Variants in MARCHF4 observed in about 807,000 individuals in gnomAD.
MARCHF4 encodes E3 ubiquitin-protein ligase MARCHF4.
A neutral mutation model predicts 43.9 loss-of-function variants in MARCHF4; 14 were observed. The ratio of observed to expected loss-of-function variants is 0.32; its 90% CI spans 0.21 to 0.50. The LOEUF (loss-of-function observed/expected upper bound fraction) is 0.50. Ranked by LOEUF, MARCHF4 falls within the 20% of genes least tolerant of loss-of-function variation. The pLI, the probability that MARCHF4 is intolerant of heterozygous loss-of-function variation, is 0.98. For synonymous variants in MARCHF4, 226 were observed against 213.3 expected (o/e 1.06, Z -0.52); for missense variants, 468 against 536.7 (o/e 0.87, Z 1.27).
intron 1 of MARCHF4, among the ~76,000 whole-genome samples, chr2:216,358,573 A>G (rs1483860531): frequency 6.6e-6 from 1 of 152,176 alleles, no homozygotes; most frequent in African/African-American, 2.4e-5. Flanking sequence ...CTCTTTTTAT[A>G]AAAGAGCAAA....
intron 3 of MARCHF4, among the ~76,000 whole-genome samples, chr2:216,272,742 G>A (rs1410489616): frequency 1.3e-5 from 2 of 152,240 alleles, no homozygotes; most frequent in African/African-American, 4.8e-5. Flanking sequence ...AGCAACGTAC[G>A]TTTGGCTTTC....
At chr2:216,300,049 T>C (rs1691461992) in intron 1 of MARCHF4, among the ~76,000 whole-genome samples, 1 of 152,116 alleles carries the variant, frequency 6.6e-6, no homozygotes, top group Non-Finnish European at 1.5e-5. Flanking sequence ...GGGTAGGCAT[T>C]ACCCAAAGAA....
chr2:216,369,890 G>A lies in MARCHF4; in HGVS notation c.371C>T (p.Thr124Ile). The A allele has an allele frequency of 8.1e-6, 13 of 1,613,808 alleles. No individual in the cohort carries two copies. The highest frequency in any genetic ancestry group is 1.1e-5 in the Non-Finnish European group (13 of 1,179,964). The change falls in exon 1 of 4, where the codon ACA becomes ATA. Residue 124 changes from threonine (T) to isoleucine (I), a missense_variant. Thr to Ile is a moderately conservative substitution (Grantham distance 89, BLOSUM62 -1). This residue lies in a region of MARCHF4 where 158 missense variants were observed against 251.1 expected (regional missense o/e 0.63). Coordinates refer to ENST00000273067, the MANE Select transcript of MARCHF4 (RefSeq NM_020814.3). Reference sequence around the variant, plus strand: ...GCTGAGCAGCGAGGCAGGTGGCTCTGTGGCTGGGCCACCCCAGTCATCTTC... The same window carrying A: ...GCTGAGCAGCGAGGCAGGTGGCTCTATGGCTGGGCCACCCCAGTCATCTTC... ...SVEDDWGGPA[T>I]EPPASLLSSA...
At chr2:216,279,373 C>A (rs705655) in intron 2 of MARCHF4, among the ~76,000 whole-genome samples, 3,906 of 152,274 alleles carry the variant, frequency 0.026, 143 homozygotes, top group African/African-American at 0.089. Context: ...CACACAGAAC[C>A]TTGTAGAATA....
chr2:216,295,687 G>T (rs1205161046), intron 1 of MARCHF4, among the ~76,000 whole-genome samples: 1 of 152,194 alleles, frequency 6.6e-6, no homozygotes, highest in African/African-American at 2.4e-5. Context: ...GCCTTCCCAG[G>T]CACCTCACTT....
In MARCHF4 at chr2:216,329,152, G is replaced by A. The variant is rs568263029; in HGVS notation, c.516+40593C>T. Among the ~76,000 whole-genome samples, 14 of 152,266 alleles carry A rather than the reference G, an allele frequency of 9.2e-5. No homozygotes were observed. In the South Asian group the frequency reaches 1.9e-3, roughly 20 times the overall value. ...TCCCAGCACTTTGGGAGGCCAAGGC[G>A]GGTGGATCACGAGGTCAGGAGATCG... On this transcript the variant is annotated intron_variant, in intron 1 of 3. Transcript: ENST00000273067.
At chr2:216,296,560 G>T (rs936080605) in intron 1 of MARCHF4, among the ~76,000 whole-genome samples, 2 of 152,112 alleles carry the variant, frequency 1.3e-5, no homozygotes, top group Non-Finnish European at 2.9e-5. Context: ...GGAGCAACTG[G>T]GGGTTTTGTT....
At chr2:216,354,651 A>T (rs578156552) in intron 1 of MARCHF4, among the ~76,000 whole-genome samples, 9 of 152,212 alleles carry the variant, frequency 5.9e-5, no homozygotes, top group Non-Finnish European at 1.2e-4. Flanking sequence ...GACCAGGGGA[A>T]CCAGAAAGGA....
At chr2:216,317,907 C>T (rs1026443747) in intron 1 of MARCHF4, among the ~76,000 whole-genome samples, 6 of 152,274 alleles carry the variant, frequency 3.9e-5, no homozygotes, top group Admixed American at 1.3e-4. Context: ...AAGATCTCAG[C>T]CATTGTGCCA....
intron 1 of MARCHF4, among the ~76,000 whole-genome samples, chr2:216,359,325 G>T (rs181662077): frequency 4.6e-5 from 7 of 152,306 alleles, no homozygotes; most frequent in Admixed American, 2.6e-4. Context: ...ACAAAGAAGA[G>T]AATGAATTAT....
intron 1 of MARCHF4, among the ~76,000 whole-genome samples, chr2:216,289,532 C>T (rs1327024329): frequency 6.6e-6 from 1 of 152,194 alleles, no homozygotes; most frequent in Admixed American, 6.5e-5. Context: ...CAGCAAGCTG[C>T]AGACGCCAGT....
chr2:216,322,821 T>C (rs187171362), intron 1 of MARCHF4, among the ~76,000 whole-genome samples: 23 of 152,106 alleles, frequency 1.5e-4, no homozygotes, highest in African/African-American at 5.1e-4. Flanking sequence ...CGAGACTCCG[T>C]CTCAAAAAAA....
intron 3 of MARCHF4, among the ~76,000 whole-genome samples, chr2:216,272,056 A>G (rs978437011): frequency 6.6e-6 from 1 of 151,016 alleles, no homozygotes; most frequent in Non-Finnish European, 1.5e-5. Flanking sequence ...AGAGATCTCT[A>G]AAAAAACACC....
rs1255118158 is a variant in MARCHF4, at chr2:216,366,492, C to T, written c.516+3253G>A. Reference sequence around the variant, plus strand: ...CAAGTAGGTTCTCAAAGCAAGTGTTCACATCTATCTCTCTCTCTCTCTCTT... The same window carrying T: ...CAAGTAGGTTCTCAAAGCAAGTGTTTACATCTATCTCTCTCTCTCTCTCTT... On this transcript the variant is annotated intron_variant, in intron 1 of 3. Coordinates refer to ENST00000273067, the MANE Select transcript of MARCHF4 (RefSeq NM_020814.3). 2.0e-5 allele frequency among the ~76,000 whole-genome samples: 3 copies of T among 152,148 alleles called. No homozygotes were observed. The East Asian group carries it at 5.8e-4, about 29-fold the overall frequency.
chr2:216,283,537 A>AGCG (rs1466532811), intron 2 of MARCHF4, 37 bp downstream of exon 2: 1 of 1,554,232 alleles, frequency 6.4e-7, no homozygotes, highest in Admixed American at 1.7e-5. Flanking sequence ...TGGAAGCCCC[A>AGCG]GGCCCAGCAA....
intron 1 of MARCHF4, among the ~76,000 whole-genome samples, chr2:216,299,695 A>C (rs548950776): frequency 1.3e-5 from 2 of 152,336 alleles, no homozygotes; most frequent in East Asian, 3.9e-4. Flanking sequence ...CCAGCTGCTG[A>C]CTTCACTTCT....
At chr2:216,362,498 C>T (rs1165296435) in intron 1 of MARCHF4, among the ~76,000 whole-genome samples, 1 of 152,230 alleles carries the variant, frequency 6.6e-6, no homozygotes, top group African/African-American at 2.4e-5. Flanking sequence ...CCAAAACAAT[C>T]TTTCCATGAA....
chr2:216,320,627 C>CT (rs1278018572), intron 1 of MARCHF4, among the ~76,000 whole-genome samples: 1 of 92,894 alleles, frequency 1.1e-5, no homozygotes, highest in Non-Finnish European at 2.2e-5. Context: ...TTCTTTCTTT[C>CT]TTTCTTTCTT....
intron 1 of MARCHF4, among the ~76,000 whole-genome samples, chr2:216,322,867 G>A (rs569139878): frequency 1.4e-4 from 22 of 152,252 alleles, no homozygotes; most frequent in African/African-American, 5.3e-4. Context: ...GACCCAGCTG[G>A]GTGGGTCAGA....
Sources: gnomAD v4.1 joint callset for allele counts (sites outside exome capture counted in the v4.1 genomes callset) on GRCh38, gnomAD v4.1.1 for gene constraint, gnomAD v4.1.1 regional missense constraint, MANE v1.5 for transcripts, NCBI Gene and HGNC (gene_info 2026-07-23, HGNC 2026-07-21) for gene names.